TRPV1: variants seen among roughly 807,000 people sequenced by gnomAD.
TRPV1 encodes the protein OTRPC1.
In TRPV1, 82 loss-of-function variants were observed where a neutral mutation model predicts 82.3. The ratio of observed to expected loss-of-function variants is 1.00; its 90% CI spans 0.83 to 1.20. The LOEUF (loss-of-function observed/expected upper bound fraction) is 1.20, where lower values mean the gene tolerates loss of function less well. TRPV1 is among the 50% of genes most tolerant of loss of function. TRPV1 has a pLI of 0.00. For synonymous variants in TRPV1, 515 were observed against 467.7 expected (o/e 1.10, Z -1.30); for missense variants, 1,067 against 1,096.8 (o/e 0.97, Z 0.38).
At position 3,573,837 on chromosome 17, in the gene TRPV1, G is replaced by A. The variant is rs765582702; in HGVS notation, c.1899C>T (p.Ser633=). The A allele has an allele frequency of 6.2e-6, 10 of 1,613,620 alleles. No homozygotes were observed. The South Asian group carries it at 8.8e-5, about 14-fold the overall frequency. ...PPDSSYNSLY[S]TCLELFKFTI... ...TGAACTTGAACAGCTCCAGGCAGGT[G>A]GAGTACAGGCTGTTGTAGGAGCTAT... Residue 633 remains serine, a synonymous_variant, in exon 14 of 17, where the codon TCC becomes TCT. Transcript: ENST00000572705.
At chr17:3,599,769 C>T (rs559215338) in intron 2 of TRPV1, among the ~76,000 whole-genome samples, 4 of 152,162 alleles carry the variant, frequency 2.6e-5, no homozygotes, top group South Asian at 2.1e-4. Context: ...GTTGGGATTA[C>T]GGGTGCATGC....
chr17:3,579,500 G>A (rs2074977162), intron 11 of TRPV1, among the ~76,000 whole-genome samples: 1 of 152,118 alleles, frequency 6.6e-6, no homozygotes, highest in Non-Finnish European at 1.5e-5. Flanking sequence ...TTTAGAGATG[G>A]AATCTCGCTC....
In TRPV1 at chr17:3,577,196, C is replaced by T. The variant is rs1302972230; in HGVS notation, c.1714-4G>A. The T allele has an allele frequency of 3.8e-6, 6 of 1,575,076 alleles. No individual in the cohort carries two copies. Among genetic ancestry groups the T allele is most frequent in the African/African-American group, 1.4e-5 (1 of 73,874 alleles). ...GGCACAGGTCTCTCAGGATCATCTG[C>T]AGGAGACAGCAGGCTCATCAGAGCC... On this transcript the variant is annotated splice_region_variant and splice_polypyrimidine_tract_variant and intron_variant, in intron 12 of 16. Coordinates refer to ENST00000572705, the MANE Select transcript of TRPV1 (RefSeq NM_080704.4).
intron 2 of TRPV1, among the ~76,000 whole-genome samples, chr17:3,594,373 A>G (rs1213490565): frequency 6.6e-6 from 1 of 151,786 alleles, no homozygotes; most frequent in Admixed American, 6.6e-5. Flanking sequence ...CCAAGCCAGA[A>G]TGGCTCAGAG....
chr17:3,588,269 C>A lies in TRPV1; in HGVS notation c.1143G>T (p.Ser381=). The A allele has an allele frequency of 1.3e-6, 2 of 1,581,990 alleles. No homozygotes were observed. Among genetic ancestry groups the A allele is most frequent in the Non-Finnish European group, 1.7e-6 (2 of 1,164,666 alleles). ...TEWAYGPVHS[S]LYDLSCIDTC... ...TGTCGATGCAGGACAGGTCGTACAGCGAGGAGTGCACGGGCCCGTAGGCCC... is the reference window on the plus strand; with the variant it reads ...TGTCGATGCAGGACAGGTCGTACAGAGAGGAGTGCACGGGCCCGTAGGCCC... The change falls in exon 8 of 17, where the codon TCG becomes TCT. Residue 381 remains serine (S), a synonymous_variant. Transcript: ENST00000572705.
chr17:3,606,081 C>T lies in TRPV1; in HGVS notation c.-34+2346G>A, dbSNP rs144004448. Among the ~76,000 whole-genome samples the T allele has an allele frequency of 8.9e-4, 135 of 152,286 alleles. 4 individuals carry two copies. In the East Asian group the frequency reaches 0.023, roughly 26 times the overall value. ...TCAAGCGATTCTCCTGCCTCAGCCT[C>T]CCAAGTAGCTGAGATTACAGGTGCC... is the stretch of plus-strand genomic sequence containing the variant. On this transcript the variant is annotated intron_variant, in intron 2 of 16. Transcript: ENST00000572705.
rs56301237 is a variant in TRPV1 at position 3,589,791 on chromosome 17, C to T, written c.1044+16G>A. The T allele has an allele frequency of 1.9e-3, 3,019 of 1,598,736 alleles. 61 individuals are homozygous for T. The South Asian group carries it at 0.027, about 14-fold the overall frequency. On this transcript the variant is annotated intron_variant, in intron 7 of 16. Coordinates refer to ENST00000572705, the MANE Select transcript of TRPV1 (RefSeq NM_080704.4). ...AGCCCCGCACCGCACCAGCCTGAGC[C>T]GAAGCCCCCTCTTACCCCGATCTTC...
intron 10 of TRPV1, among the ~76,000 whole-genome samples, chr17:3,582,946 C>CA (rs34771586): frequency 0.23 from 29,093 of 128,908 alleles, 3,289 homozygotes; most frequent in Admixed American, 0.27. Context: ...AACTCCACCT[C>CA]AAAAAAAAAA....
chr17:3,570,131 T>C (rs2074833067), intron 16 of TRPV1, among the ~76,000 whole-genome samples: 1 of 152,154 alleles, frequency 6.6e-6, no homozygotes, highest in African/African-American at 2.4e-5. Context: ...GGCTCACACC[T>C]GTCATCCCAG....
At chr17:3,591,805 C>T (rs955232750) in intron 3 of TRPV1, among the ~76,000 whole-genome samples, 2 of 152,228 alleles carry the variant, frequency 1.3e-5, no homozygotes, top group African/African-American at 4.8e-5. Context: ...AGCCTCCTGC[C>T]CTTGAGCTTT....
At chr17:3,588,033 T>G (rs2075105403) in intron 8 of TRPV1, among the ~76,000 whole-genome samples, 155 bp downstream of exon 8, 1 of 152,138 alleles carries the variant, frequency 6.6e-6, no homozygotes, top group Admixed American at 6.5e-5. Flanking sequence ...GAAAATTCAG[T>G]GGGCATGAGT....
chr17:3,606,530 G>T (rs1215347406), intron 2 of TRPV1, among the ~76,000 whole-genome samples: 1 of 152,140 alleles, frequency 6.6e-6, no homozygotes, highest in East Asian at 1.9e-4. Context: ...ATAGCATCGG[G>T]ATACTGACGG....
At chr17:3,580,399 G>A (rs2074990991) in intron 11 of TRPV1, 58 bp downstream of exon 11, 3 of 1,581,682 alleles carry the variant, frequency 1.9e-6, no homozygotes, top group Admixed American at 3.3e-5. Context: ...GACCTCAAGT[G>A]AGAACTGATT....
In TRPV1 at chr17:3,577,137, C is replaced by G. The variant is rs2074943428; in HGVS notation, c.1769G>C (p.Gly590Ala). The change falls in exon 13 of 17, where the codon GGG becomes GCG. Residue 590 changes from glycine to alanine, a missense_variant. Transcript: ENST00000572705. ...ACCAAGCTCATTACCTGTGGAAAAC[C>G]CGAACAAGAAGACGATGTAGACAAA... ...FMFVYIVFLF[G>A]FSTAVVTLIE... 6.3e-7 allele frequency: 1 copy of G among 1,586,512 alleles called. No homozygotes were observed. The highest frequency in any genetic ancestry group is 1.3e-5 in the African/African-American group (1 of 74,292).
rs555072259 is a variant in TRPV1, at chr17:3,576,080, G to A, written c.1780+1046C>T. 5.3e-5 allele frequency among the ~76,000 whole-genome samples: 8 copies of A among 151,870 alleles called. No individual in the cohort carries two copies. The South Asian group carries it at 1.7e-3, about 32-fold the overall frequency. ...AAAATACAAAAAAAAAAAATAGCCA[G>A]GTGTGGTGGCGGGCATCTGTAATCC... On this transcript the variant is annotated intron_variant, in intron 13 of 16. Coordinates refer to ENST00000572705, the MANE Select transcript of TRPV1 (RefSeq NM_080704.4).
rs762747986 is a variant in TRPV1, at chr17:3,591,027, C to T, written c.541G>A (p.Ala181Thr). 6 of 1,612,102 alleles carry T rather than the reference C, an allele frequency of 3.7e-6. No individual in the cohort carries two copies. The Admixed American group carries it at 6.7e-5, about 18-fold the overall frequency. Residue 181 changes from alanine to threonine, a missense_variant, in exon 5 of 17, where the codon GCG becomes ACG. Physicochemically the swap from Ala to Thr is moderately conservative, Grantham distance 58. Transcript: ENST00000572705. ...NTTIPLLLEI[A>T]RQTDSLKELV... ...TCCTTCAGGCTGTCCGTTTGCCGCG[C>T]GATCTCCAGGAGCAGGGGGATGGTG...
At chr17:3,567,068 G>A (rs2074773555) in intron 16 of TRPV1, 81 bp from the exon 17 acceptor site, 1 of 1,522,680 alleles carries the variant, frequency 6.6e-7, no homozygotes. Flanking sequence ...CAGATAAAAG[G>A]AGGTCCAAGA....
rs113591618 is a variant in TRPV1, at chr17:3,596,156, G to A, written c.-33-3773C>T. Among the ~76,000 whole-genome samples, 639 of 152,312 alleles carry A rather than the reference G, an allele frequency of 4.2e-3. 6 individuals are homozygous for A. Among genetic ancestry groups the A allele is most frequent in the African/African-American group, 0.015 (630 of 41,572 alleles). ...TAAAAGAATCGATTCTGCCCACAGA[G>A]ACGTGGTATGATCTGAGTCTTTCTC... On this transcript the variant is annotated intron_variant, in intron 2 of 16. Transcript: ENST00000572705.
chr17:3,589,229 CAG>C (rs1337381773), intron 7 of TRPV1, among the ~76,000 whole-genome samples: 7 of 132,166 alleles, frequency 5.3e-5, no homozygotes, highest in African/African-American at 1.1e-4. Context: ...TTTTTTGAGA[CAG>C]AGTCTTGCTC....
Sources: allele counts gnomAD v4.1 joint callset (sites outside exome capture counted in the v4.1 genomes callset), GRCh38; gene constraint gnomAD v4.1.1; transcripts MANE v1.5; gene names NCBI Gene and HGNC (gene_info 2026-07-23, HGNC 2026-07-21).